Variants in NLGN1 observed in about 807,000 individuals in gnomAD.
NLGN1 encodes the protein neuroligin 1, also known as neuroligin-1.
Under a neutral mutation model 65.5 loss-of-function variants are expected in NLGN1, and 12 were observed. The ratio of observed to expected loss-of-function variants is 0.18; its 90% CI spans 0.12 to 0.30. NLGN1 has a LOEUF of 0.30. Ranked by LOEUF, NLGN1 falls within the 10% of genes least tolerant of loss-of-function variation. NLGN1 has a pLI of 1.00. For synonymous variants in NLGN1, 350 were observed against 359.5 expected (o/e 0.97, Z 0.30); for missense variants, 750 against 1,007.1 (o/e 0.74, Z 3.46).
intron 4 of NLGN1, among the ~76,000 whole-genome samples, chr3:174,058,768 C>T (rs1212724355): frequency 6.6e-6 from 1 of 151,966 alleles, no homozygotes; most frequent in East Asian, 1.9e-4. Context: ...AAAAAAAATT[C>T]CTTATAGTAA....
At chr3:173,768,306 T>C (rs1779066335) in intron 3 of NLGN1, among the ~76,000 whole-genome samples, 1 of 152,138 alleles carries the variant, frequency 6.6e-6, no homozygotes, top group African/African-American at 2.4e-5. Context: ...TCTTCTCCAA[T>C]CAGAATGGAC....
chr3:173,758,136 C>CA (rs775087642), intron 3 of NLGN1, among the ~76,000 whole-genome samples: 6 of 151,996 alleles, frequency 3.9e-5, no homozygotes, highest in Non-Finnish European at 8.8e-5. Context: ...TCCTTCTCTC[C>CA]ATGTGCATGT....
chr3:173,804,481 A>G (rs919668693), intron 3 of NLGN1, among the ~76,000 whole-genome samples: 1 of 152,102 alleles, frequency 6.6e-6, no homozygotes, highest in Non-Finnish European at 1.5e-5. Context: ...GCTGCATTTG[A>G]TATATTTGCA....
intron 4 of NLGN1, among the ~76,000 whole-genome samples, chr3:173,966,305 A>G (rs922578180): frequency 2.3e-4 from 35 of 152,198 alleles, no homozygotes; most frequent in African/African-American, 8.4e-4. Context: ...AAGTCCAAAA[A>G]GAATCTGACA....
chr3:173,485,863 T>G (rs1224575593), intron 2 of NLGN1, among the ~76,000 whole-genome samples: 2 of 152,150 alleles, frequency 1.3e-5, no homozygotes, highest in Admixed American at 6.6e-5. Context: ...ATATCTTTCC[T>G]TATATATTTT....
At chr3:173,625,355 C>G (rs895706352) in intron 3 of NLGN1, among the ~76,000 whole-genome samples, 1 of 152,086 alleles carries the variant, frequency 6.6e-6, no homozygotes, top group African/African-American at 2.4e-5. Context: ...CCCCAGCACA[C>G]GTACCACCAC....
intron 2 of NLGN1, among the ~76,000 whole-genome samples, chr3:173,435,280 C>T (rs1009045277): frequency 2.0e-5 from 3 of 152,178 alleles, no homozygotes; most frequent in Non-Finnish European, 2.9e-5. Context: ...GACAAGCTGG[C>T]ATAATCCTTT....
chr3:173,518,726 CTTATAT>C (rs970130526), intron 2 of NLGN1, among the ~76,000 whole-genome samples: 4 of 152,006 alleles, frequency 2.6e-5, no homozygotes, highest in Non-Finnish European at 5.9e-5. Context: ...AAAACTGGAA[CTTATAT>C]TTAAAGAGGA....
chr3:173,728,575 G>T (rs1279707747), intron 3 of NLGN1, among the ~76,000 whole-genome samples: 1 of 151,928 alleles, frequency 6.6e-6, no homozygotes, highest in Non-Finnish European at 1.5e-5. Flanking sequence ...TTGAAAATTG[G>T]GTCTTTTAAG....
intron 4 of NLGN1, among the ~76,000 whole-genome samples, chr3:174,090,459 C>T (rs1239873831): frequency 1.3e-5 from 2 of 151,684 alleles, no homozygotes; most frequent in Non-Finnish European, 2.9e-5. Context: ...GGGGACAGAG[C>T]GAGACTCTGT....
intron 2 of NLGN1, among the ~76,000 whole-genome samples, chr3:173,563,698 C>CTCATA (rs1743162507): frequency 6.6e-6 from 1 of 151,888 alleles, no homozygotes; most frequent in Non-Finnish European, 1.5e-5. Context: ...TTTCTCATAC[C>CTCATA]CTTGTATATT....
chr3:173,854,697 A>G (rs1400240827), intron 4 of NLGN1, among the ~76,000 whole-genome samples: 1 of 152,100 alleles, frequency 6.6e-6, no homozygotes, highest in African/African-American at 2.4e-5. Flanking sequence ...TTTACCATTA[A>G]TGGTCATATT....
chr3:173,732,383 T>C (rs1772994580), intron 3 of NLGN1, among the ~76,000 whole-genome samples: 1 of 152,148 alleles, frequency 6.6e-6, no homozygotes, highest in Non-Finnish European at 1.5e-5. Context: ...TAGCCATGAC[T>C]TGGTTGCCTA....
chr3:173,711,254 A>T (rs1011652655), intron 3 of NLGN1, among the ~76,000 whole-genome samples: 1 of 152,184 alleles, frequency 6.6e-6, no homozygotes, highest in Non-Finnish European at 1.5e-5. Flanking sequence ...ATCTCACTTT[A>T]GATGCTTTAT....
chr3:173,699,911 T>A (rs1378345993), intron 3 of NLGN1, among the ~76,000 whole-genome samples: 1 of 152,184 alleles, frequency 6.6e-6, no homozygotes, highest in Non-Finnish European at 1.5e-5. Flanking sequence ...AAAAGAGAAC[T>A]TTTCTGGTCA....
chr3:173,807,169 G>A (rs1716849160), intron 3 of NLGN1, among the ~76,000 whole-genome samples: 1 of 152,090 alleles, frequency 6.6e-6, no homozygotes, highest in South Asian at 2.1e-4. Flanking sequence ...CTGTAATTAT[G>A]TTCACAAATT....
intron 4 of NLGN1, among the ~76,000 whole-genome samples, chr3:173,865,661 C>T (rs1250616933): frequency 2.0e-5 from 3 of 152,094 alleles, no homozygotes; most frequent in Admixed American, 2.0e-4. Flanking sequence ...TAGCTTGATT[C>T]CAGAGACATT....
intron 4 of NLGN1, among the ~76,000 whole-genome samples, chr3:174,088,494 C>T (rs77243641): frequency 0.12 from 18,367 of 152,038 alleles, 1,192 homozygotes; most frequent in East Asian, 0.17. Flanking sequence ...CGGTGACTCA[C>T]GCCTGTAATC....
chr3:173,742,812 A>G (rs554100621), intron 3 of NLGN1, among the ~76,000 whole-genome samples: 1 of 152,148 alleles, frequency 6.6e-6, no homozygotes, highest in Non-Finnish European at 1.5e-5. Flanking sequence ...ATATTAGTTG[A>G]TGTTTTAGGG....
Sources: allele counts gnomAD v4.1 joint callset (sites outside exome capture counted in the v4.1 genomes callset), GRCh38; gene constraint gnomAD v4.1.1; transcripts MANE v1.5; gene names NCBI Gene and HGNC (gene_info 2026-07-23, HGNC 2026-07-21).